RBFOX1: variants seen among roughly 807,000 people sequenced by gnomAD.
RBFOX1 encodes RNA binding fox-1 homolog 1, also known as RNA binding protein fox-1 homolog 1.
In RBFOX1, 8 loss-of-function variants were observed where a neutral mutation model predicts 57.7. The observed-to-expected ratio is 0.14, with a 90% CI of 0.08 to 0.25. RBFOX1 has a LOEUF of 0.25. RBFOX1 is among the 10% of genes least tolerant of loss of function. The pLI, the probability that RBFOX1 is intolerant of heterozygous loss-of-function variation, is 1.00. For missense variants in RBFOX1, 611 were observed against 548.5 expected (o/e 1.11, Z -1.14); for synonymous variants, 326 against 222.4 (o/e 1.47, Z -4.15).
At chr16:5,503,912 A>G (rs1012914024) in intron 2 of RBFOX1, among the ~76,000 whole-genome samples, 1 of 151,914 alleles carries the variant, frequency 6.6e-6, no homozygotes. Flanking sequence ...ATCTCTACAG[A>G]TTTGCCTGTT....
chr16:7,245,868 C>G (rs1269598464), intron 4 of RBFOX1, among the ~76,000 whole-genome samples: 2 of 152,172 alleles, frequency 1.3e-5, no homozygotes, highest in African/African-American at 2.4e-5. Context: ...TTGCGTTTAT[C>G]TAATTTAATC....
chr16:5,789,608 C>T (rs963520614), intron 3 of RBFOX1, among the ~76,000 whole-genome samples: 2 of 152,128 alleles, frequency 1.3e-5, no homozygotes, highest in African/African-American at 4.8e-5. Flanking sequence ...TATTATTGTT[C>T]TCTTTTGGTT....
chr16:5,966,671 A>G (rs1344247943), intron 4 of RBFOX1, among the ~76,000 whole-genome samples: 1 of 152,002 alleles, frequency 6.6e-6, no homozygotes, highest in Non-Finnish European at 1.5e-5. Context: ...TAAACGCCCA[A>G]AATCTTTTGA....
chr16:5,534,410 AG>A (rs551044991), intron 2 of RBFOX1, among the ~76,000 whole-genome samples: 16 of 152,330 alleles, frequency 1.1e-4, no homozygotes, highest in South Asian at 8.3e-4. Flanking sequence ...GTCCGAGTCC[AG>A]ATGCCTCAAA....
intron 4 of RBFOX1, among the ~76,000 whole-genome samples, chr16:7,471,638 A>G (rs550104440): frequency 1.2e-4 from 18 of 152,342 alleles, no homozygotes; most frequent in African/African-American, 4.3e-4. Context: ...CCCATGAGCT[A>G]TGCACATTAG....
At chr16:7,054,988 G>A (rs529473610) in intron 4 of RBFOX1, among the ~76,000 whole-genome samples, 1 of 152,140 alleles carries the variant, frequency 6.6e-6, no homozygotes, top group African/African-American at 2.4e-5. Flanking sequence ...CCAATACTTG[G>A]TGTTAGGATC....
rs182318383 is a variant in RBFOX1 at position 5,513,020 on chromosome 16, A to G, written c.258+45766A>G. Among the ~76,000 whole-genome samples, 12 of 152,298 alleles carry G rather than the reference A, an allele frequency of 7.9e-5. No individual in the cohort carries two copies. The East Asian group carries it at 2.1e-3, about 27-fold the overall frequency. On this transcript the variant is annotated intron_variant, in intron 2 of 2. Transcript: ENST00000585867. ...AACCTCCACCTCCTAGGCTCAAACG[A>G]TCCTTCCACCTCAGCCTTACAAATA...
At chr16:7,672,330 G>T (rs562206599) in intron 13 of RBFOX1, among the ~76,000 whole-genome samples, 1 of 152,298 alleles carries the variant, frequency 6.6e-6, no homozygotes, top group South Asian at 2.1e-4. Context: ...AGGATGATCA[G>T]TGAGAGTTGT....
At chr16:6,144,481 T>G (rs1187861671) in intron 1 of RBFOX1, among the ~76,000 whole-genome samples, 1 of 152,220 alleles carries the variant, frequency 6.6e-6, no homozygotes, top group Non-Finnish European at 1.5e-5. Context: ...GAGCTATAAG[T>G]GGCTTCTAAT....
At chr16:7,178,948 G>C (rs544837373) in intron 4 of RBFOX1, among the ~76,000 whole-genome samples, 7 of 152,116 alleles carry the variant, frequency 4.6e-5, no homozygotes, top group Non-Finnish European at 1.0e-4. Context: ...TCTGTTTATG[G>C]TTAACACTGC....
intron 3 of RBFOX1, among the ~76,000 whole-genome samples, chr16:6,979,643 G>A (rs574528262): frequency 6.6e-6 from 1 of 152,264 alleles, no homozygotes; most frequent in African/African-American, 2.4e-5. Context: ...TTTCTTTTGG[G>A]TTGCAGAAAT....
rs548046571 is a variant in RBFOX1, at chr16:6,627,110, C to T, written c.-63-27493C>T. 3.9e-5 allele frequency among the ~76,000 whole-genome samples: 6 copies of T among 152,306 alleles called. No individual in the cohort carries two copies. In the South Asian group the frequency reaches 1.2e-3, roughly 32 times the overall value. ...ATCCATGGCCGCTGAACACAAAGTC[C>T]TATTGTGCCTCCCAAAGCTGAAATT... is the stretch of plus-strand genomic sequence containing the variant. On this transcript the variant is annotated intron_variant, in intron 2 of 15. Transcript: ENST00000550418.
chr16:6,383,379 T>C (rs967642993), intron 2 of RBFOX1, among the ~76,000 whole-genome samples: 1 of 152,200 alleles, frequency 6.6e-6, no homozygotes, highest in African/African-American at 2.4e-5. Context: ...TGTCATTTCT[T>C]TCTGTATGGA....
chr16:6,418,242 C>T (rs1208781791), intron 2 of RBFOX1, among the ~76,000 whole-genome samples: 1 of 152,142 alleles, frequency 6.6e-6, no homozygotes, highest in Non-Finnish European at 1.5e-5. Flanking sequence ...CCCATTTTAG[C>T]CAGTGAGTGG....
At chr16:5,602,239 A>T (rs984964572), downstream of RBFOX1, among the ~76,000 whole-genome samples, 1 of 152,250 alleles carries the variant, frequency 6.6e-6, no homozygotes, top group African/African-American at 2.4e-5. Flanking sequence ...AGATTGCCTC[A>T]CATTCACATG....
rs1337305764 is a variant in RBFOX1, at chr16:7,420,297, A to C, written c.28-97850A>C. ...TAAGGAAGCTAAGCCCTTGCCTCCCAAACATGAGACATGGAATCTGTTTAT... is the reference window on the plus strand; with the variant it reads ...TAAGGAAGCTAAGCCCTTGCCTCCCCAACATGAGACATGGAATCTGTTTAT... On this transcript the variant is annotated intron_variant, in intron 4 of 15. Transcript: ENST00000550418. 2.6e-5 allele frequency among the ~76,000 whole-genome samples: 4 copies of C among 152,182 alleles called. No individual in the cohort carries two copies. In the South Asian group the frequency reaches 8.3e-4, roughly 31 times the overall value.
chr16:6,960,008 C>T (rs1430996506), intron 3 of RBFOX1, among the ~76,000 whole-genome samples: 1 of 152,078 alleles, frequency 6.6e-6, no homozygotes, highest in Non-Finnish European at 1.5e-5. Flanking sequence ...AACAAAAACC[C>T]CCCAAGAGTT....
intron 3 of RBFOX1, among the ~76,000 whole-genome samples, chr16:6,889,072 C>T (rs151003656): frequency 2.0e-5 from 3 of 152,100 alleles, no homozygotes; most frequent in African/African-American, 7.2e-5. Context: ...CCCTTATAGA[C>T]ACGGGTTGGT....
intron 4 of RBFOX1, among the ~76,000 whole-genome samples, chr16:7,359,011 G>T (rs1331056928): frequency 2.6e-5 from 4 of 152,168 alleles, no homozygotes; most frequent in Non-Finnish European, 5.9e-5. Context: ...TCTAAGATTA[G>T]TTGAGTTCTT....
Sources: gnomAD v4.1 joint callset for allele counts (sites outside exome capture counted in the v4.1 genomes callset) on GRCh38, gnomAD v4.1.1 for gene constraint, MANE v1.5 for transcripts, NCBI Gene and HGNC (gene_info 2026-07-23, HGNC 2026-07-21) for gene names.